Variants in CORO1C observed in about 807,000 individuals in gnomAD.
The protein encoded by CORO1C is coronin 1C.
Under a neutral mutation model 51.2 loss-of-function variants are expected in CORO1C, and 14 were observed. That is an observed-to-expected ratio of 0.27 (90% CI 0.18 to 0.43). CORO1C has a LOEUF of 0.43. Among genes scored for constraint, CORO1C ranks in the 20% least tolerant of loss-of-function variants. The pLI, the probability that CORO1C is intolerant of heterozygous loss-of-function variation, is 1.00. For missense variants in CORO1C, 417 were observed against 607.8 expected, an observed-to-expected ratio of 0.69 and a Z score of 3.30; for synonymous variants, 181 against 210.5, an observed-to-expected ratio of 0.86 and a Z score of 1.21.
At chr12:108,654,550 C>A (rs2032845164) in intron 6 of CORO1C, 140 bp from the exon 7 acceptor site, 1 of 514,704 alleles carries the variant, frequency 1.9e-6, no homozygotes, top group Non-Finnish European at 3.5e-6. Flanking sequence ...GAACTATGCA[C>A]ATACAATACT....
intron 1 of CORO1C, among the ~76,000 whole-genome samples, chr12:108,720,680 C>T (rs1216862818): frequency 2.6e-5 from 4 of 151,990 alleles, no homozygotes; most frequent in South Asian, 2.1e-4. Flanking sequence ...CCCGCCACCA[C>T]GCCCGGCTAA....
intron 1 of CORO1C, among the ~76,000 whole-genome samples, chr12:108,728,833 C>T (rs1023455817): frequency 2.0e-5 from 3 of 152,074 alleles, no homozygotes; most frequent in Admixed American, 6.5e-5. Flanking sequence ...AAAAGACATA[C>T]AAGTGTCAGA....
chr12:108,684,146 G>C (rs141740083), intron 2 of CORO1C, among the ~76,000 whole-genome samples: 117 of 152,172 alleles, frequency 7.7e-4, no homozygotes, highest in Non-Finnish European at 1.5e-3. Flanking sequence ...CACAAGCAGA[G>C]AACTCACAGC....
chr12:108,686,922 G>A (rs1422339738), intron 2 of CORO1C, among the ~76,000 whole-genome samples: 3 of 152,214 alleles, frequency 2.0e-5, no homozygotes, highest in Non-Finnish European at 2.9e-5. Context: ...AGGGAGAGGT[G>A]TAATGGCACA....
At chr12:108,708,901 C>T (rs774812676) in intron 1 of CORO1C, among the ~76,000 whole-genome samples, 62 of 151,874 alleles carry the variant, frequency 4.1e-4, no homozygotes, top group Non-Finnish European at 5.7e-4. Context: ...CACAAGCGTA[C>T]GCCACCACAC....
intron 1 of CORO1C, chr12:108,701,844 T>C (rs1225938373): frequency 1.8e-5 from 3 of 170,014 alleles, no homozygotes; most frequent in African/African-American, 7.2e-5. Flanking sequence ...ATTGTGTCTA[T>C]TCCCCAGAGT....
chr12:108,703,085 A>ATC, intron 1 of CORO1C: 2 of 808,544 alleles, frequency 2.5e-6, no homozygotes, highest in Non-Finnish European at 3.6e-6. Context: ...AGGAAAGCAC[A>ATC]TCTATACAAA....
chr12:108,706,288 C>T (rs1017880871), intron 1 of CORO1C, among the ~76,000 whole-genome samples: 1 of 151,824 alleles, frequency 6.6e-6, no homozygotes, highest in Admixed American at 6.6e-5. Flanking sequence ...ATTTCCTCAA[C>T]CTGATAATGG....
At chr12:108,712,685 T>G (rs1159211084) in intron 1 of CORO1C, among the ~76,000 whole-genome samples, 1 of 151,744 alleles carries the variant, frequency 6.6e-6, no homozygotes, top group Non-Finnish European at 1.5e-5. Flanking sequence ...GTACTCTGAT[T>G]AAATATAAAA....
chr12:108,655,268 A>G (rs534186580), intron 6 of CORO1C, among the ~76,000 whole-genome samples: 3 of 152,214 alleles, frequency 2.0e-5, no homozygotes, highest in Non-Finnish European at 4.4e-5. Context: ...ACAACTGATC[A>G]TATTATTTAT....
At chr12:108,723,160 T>G (rs2035512691) in intron 1 of CORO1C, among the ~76,000 whole-genome samples, 1 of 152,248 alleles carries the variant, frequency 6.6e-6, no homozygotes, top group African/African-American at 2.4e-5. Flanking sequence ...TAATTCACCA[T>G]CTAGCTTCCA....
intron 2 of CORO1C, among the ~76,000 whole-genome samples, chr12:108,685,721 T>A (rs2034271128): frequency 6.6e-6 from 1 of 152,200 alleles, no homozygotes; most frequent in Non-Finnish European, 1.5e-5. Flanking sequence ...CTGGTTGTGA[T>A]GTCATCATAA....
Position 108,654,362 on chromosome 12 carries a change from C to G in CORO1C, c.799G>C (p.Gly267Arg). Residue 267 changes from glycine to arginine, a missense_variant, in exon 7 of 11, where the codon GGG becomes CGG. Gly to Arg is a moderately radical substitution (Grantham distance 125). Coordinates refer to ENST00000261401, the MANE Select transcript of CORO1C (RefSeq NM_014325.4). ...GGGTCATAGAAAGGCAGCAACACCC[C>G]ATTGCTAGTGTCCATCTCATGAAGA... ...IALHEMDTSN[G>R]VLLPFYDPDT... The G allele has an allele frequency of 1.2e-6, 2 of 1,613,506 alleles. No individual in the cohort carries two copies. The highest frequency in any genetic ancestry group is 1.7e-6 in the Non-Finnish European group (2 of 1,179,508).
At chr12:108,725,087 T>TACAC (rs2035556408) in intron 1 of CORO1C, among the ~76,000 whole-genome samples, 1 of 152,162 alleles carries the variant, frequency 6.6e-6, no homozygotes, top group African/African-American at 2.4e-5. Context: ...AGAGACTGAA[T>TACAC]ACACAGACCT....
At chr12:108,680,438 T>C (rs907199476) in intron 2 of CORO1C, among the ~76,000 whole-genome samples, 2 of 152,180 alleles carry the variant, frequency 1.3e-5, no homozygotes, top group Non-Finnish European at 2.9e-5. Context: ...CACCATATCA[T>C]ATAGAATCTG....
chr12:108,710,209 T>C (rs371837215), intron 1 of CORO1C, among the ~76,000 whole-genome samples: 1 of 152,218 alleles, frequency 6.6e-6, no homozygotes, highest in African/African-American at 2.4e-5. Flanking sequence ...CAGGCTCAAC[T>C]ATGAGATGCT....
At chr12:108,671,311 C>T (rs1363917193) in intron 3 of CORO1C, among the ~76,000 whole-genome samples, 4 of 151,554 alleles carry the variant, frequency 2.6e-5, no homozygotes, top group Non-Finnish European at 5.9e-5. Flanking sequence ...GGTGACAGAG[C>T]AAGACCTTGT....
chr12:108,714,271 C>T (rs778826707), intron 1 of CORO1C, among the ~76,000 whole-genome samples: 1 of 152,014 alleles, frequency 6.6e-6, no homozygotes, highest in Non-Finnish European at 1.5e-5. Flanking sequence ...CAACTGTAGT[C>T]CCAGCTACTC....
At chr12:108,705,459 C>CAAAAA (rs1163703701) in intron 1 of CORO1C, among the ~76,000 whole-genome samples, 80 of 63,256 alleles carry the variant, frequency 1.3e-3, no homozygotes, top group Non-Finnish European at 1.6e-3. Context: ...GACCCTGTCT[C>CAAAAA]AAAAAAAAAA....
Sources: gnomAD v4.1 joint callset for allele counts (sites outside exome capture counted in the v4.1 genomes callset) on GRCh38, gnomAD v4.1.1 for gene constraint, MANE v1.5 for transcripts, NCBI Gene and HGNC (gene_info 2026-07-23, HGNC 2026-07-21) for gene names.